The following KIAA1549L variants were observed in gnomAD, a reference collection of about 807,000 sequenced individuals.
The protein encoded by KIAA1549L is KIAA1549 like.
In KIAA1549L, 88 loss-of-function variants were observed where a neutral mutation model predicts 160.7. The ratio of observed to expected loss-of-function variants is 0.55; its 90% CI spans 0.46 to 0.65. The LOEUF (loss-of-function observed/expected upper bound fraction) is 0.65, where lower values mean the gene tolerates loss of function less well. KIAA1549L is among the 30% of genes least tolerant of loss of function. The pLI is 0.00. For synonymous variants in KIAA1549L, 950 were observed against 976.7 expected, an observed-to-expected ratio of 0.97 and a Z score of 0.51; for missense variants, 2,258 against 2,437.5, an observed-to-expected ratio of 0.93 and a Z score of 1.55.
intron 1 of KIAA1549L, among the ~76,000 whole-genome samples, chr11:33,499,123 C>T (rs1271680093): frequency 2.0e-5 from 3 of 152,036 alleles, no homozygotes; most frequent in African/African-American, 7.2e-5. Flanking sequence ...TAGAAAAGGT[C>T]CTCCTTCCTC....
intron 8 of KIAA1549L, among the ~76,000 whole-genome samples, chr11:33,562,188 G>A (rs1234822718): frequency 2.0e-5 from 3 of 152,150 alleles, no homozygotes; most frequent in Admixed American, 1.3e-4. Context: ...GAGAGTGTTT[G>A]GAAATAGAAA....
In KIAA1549L at chr11:33,543,593, A is replaced by T; in HGVS notation, c.2030A>T (p.Asp677Val). The T allele has an allele frequency of 6.2e-7, 1 of 1,613,978 alleles. No individual in the cohort carries two copies. The highest frequency in any genetic ancestry group is 8.5e-7 in the Non-Finnish European group (1 of 1,179,870). ...GTGAGAGCATCGCCCTCCTCCATGGATGTATATGATTCCTTAACAATAGGA... is the reference window on the plus strand; with the variant it reads ...GTGAGAGCATCGCCCTCCTCCATGGTTGTATATGATTCCTTAACAATAGGA... The part of the protein sequence containing the change: ...KQVRASPSSM[D>V]VYDSLTIGDM... Residue 677 changes from aspartate to valine, a missense_variant, in exon 2 of 21, where the codon GAT (aspartate) becomes GTT (valine). By Grantham distance (152) the Asp-to-Val change is radical (BLOSUM62 -3). Around this residue, in one of 6 missense-constraint regions of KIAA1549L, gnomAD observed 287 missense variants for 292.3 expected, o/e 0.98. Coordinates refer to ENST00000658780, the MANE Select transcript of KIAA1549L (RefSeq NM_012194.3).
chr11:33,418,522 C>T (rs1235329409), intron 1 of KIAA1549L, among the ~76,000 whole-genome samples: 4 of 152,226 alleles, frequency 2.6e-5, no homozygotes, highest in African/African-American at 9.6e-5. Context: ...CTGGTCACCA[C>T]TGAGTCTGAA....
At chr11:33,576,901 G>A (rs1314598245) in intron 10 of KIAA1549L, among the ~76,000 whole-genome samples, 2 of 152,190 alleles carry the variant, frequency 1.3e-5, no homozygotes, top group East Asian at 1.9e-4. Flanking sequence ...AGACATCCAC[G>A]TGGATCTCAG....
intron 9 of KIAA1549L, among the ~76,000 whole-genome samples, chr11:33,570,290 C>T (rs1051338972): frequency 5.9e-5 from 9 of 152,190 alleles, no homozygotes; most frequent in Non-Finnish European, 1.3e-4. Flanking sequence ...GTGTGAGCCA[C>T]CACGTCCAGC....
At position 33,408,495 on chromosome 11, in the gene KIAA1549L, A is replaced by G. The variant is rs1217504127; in HGVS notation, c.238+31606A>G. On this transcript the variant is annotated intron_variant, in intron 1 of 20. Coordinates refer to ENST00000658780, the MANE Select transcript of KIAA1549L (RefSeq NM_012194.3). Reference sequence around the variant, plus strand: ...ATACATACTCTGTATATGTGTATATATATATATATATATATACACATGTAT... The same window carrying G: ...ATACATACTCTGTATATGTGTATATGTATATATATATATATACACATGTAT... Among the ~76,000 whole-genome samples the G allele has an allele frequency of 2.0e-5, 3 of 147,978 alleles. 1 individual carries two copies. Among genetic ancestry groups the G allele is most frequent in the African/African-American group, 5.1e-5 (2 of 39,378 alleles).
At chr11:33,412,077 G>A (rs2615945) in intron 1 of KIAA1549L, among the ~76,000 whole-genome samples, 52,646 of 152,064 alleles carry the variant, frequency 0.35, 9,528 homozygotes, top group Non-Finnish European at 0.4. Flanking sequence ...GTTTTGTGGT[G>A]CTTCTAGTTA....
At position 33,544,751 on chromosome 11, in the gene KIAA1549L, T is replaced by C; in HGVS notation, c.2774-16T>C. 1 of 1,560,774 alleles carries C rather than the reference T, an allele frequency of 6.4e-7. No homozygotes were observed. Among genetic ancestry groups the C allele is most frequent in the Non-Finnish European group, 8.7e-7 (1 of 1,152,912 alleles). On this transcript the variant is annotated splice_polypyrimidine_tract_variant and intron_variant, in intron 2 of 20. Transcript: ENST00000658780. ...TTCCAAGCCAATGACAAACTTTGTT[T>C]TTTCTCTCTTTACAGCGGACACAGT...
intron 1 of KIAA1549L, among the ~76,000 whole-genome samples, chr11:33,501,989 T>C (rs929171043): frequency 6.6e-6 from 1 of 151,986 alleles, no homozygotes; most frequent in African/African-American, 2.4e-5. Context: ...AGGAAGATGA[T>C]ATGGGAGGAA....
At chr11:33,513,066 G>A (rs1853262948) in intron 1 of KIAA1549L, among the ~76,000 whole-genome samples, 1 of 152,184 alleles carries the variant, frequency 6.6e-6, no homozygotes, top group African/African-American at 2.4e-5. Context: ...TACAGGGACA[G>A]AGAACATCAG....
chr11:33,462,300 G>A (rs904885813), intron 1 of KIAA1549L, among the ~76,000 whole-genome samples: 1 of 152,132 alleles, frequency 6.6e-6, no homozygotes, highest in Admixed American at 6.5e-5. Context: ...TTACATTCAT[G>A]GACTACATGA....
At chr11:33,430,049 C>CCTT (rs1565132987) in intron 1 of KIAA1549L, among the ~76,000 whole-genome samples, 7 of 69,308 alleles carry the variant, frequency 1.0e-4, no homozygotes, top group African/African-American at 2.7e-4. Flanking sequence ...CTTCCTTCCT[C>CCTT]CCTTCCCTCT....
At chr11:33,632,075 C>T (rs1246709854) in intron 16 of KIAA1549L, among the ~76,000 whole-genome samples, 1 of 152,168 alleles carries the variant, frequency 6.6e-6, no homozygotes, top group Non-Finnish European at 1.5e-5. Flanking sequence ...GGTGGTTATC[C>T]ACTAAAATCC....
At chr11:33,580,553 C>T (rs1590364091) in intron 10 of KIAA1549L, among the ~76,000 whole-genome samples, 1 of 111,782 alleles carries the variant, frequency 8.9e-6, no homozygotes, top group Admixed American at 1.3e-4. Flanking sequence ...GGCTGGGGGA[C>T]ACAGTGAGAT....
At chr11:33,640,229 A>G (rs937232748) in intron 16 of KIAA1549L, among the ~76,000 whole-genome samples, 1 of 152,190 alleles carries the variant, frequency 6.6e-6, no homozygotes, top group African/African-American at 2.4e-5. Flanking sequence ...CTGAGAGAGT[A>G]TCTAAGTCAA....
rs1853732036 is a variant in KIAA1549L, at chr11:33,530,433, AAAAATATATATATATATAT to A, written c.239-11367_239-11349del. Among the ~76,000 whole-genome samples the A allele has an allele frequency of 1.1e-3, 11 of 9,728 alleles. 1 individual carries two copies. Among genetic ancestry groups the A allele is most frequent in the Admixed American group, 6.1e-3 (5 of 814 alleles). 6.4% of individuals were successfully genotyped at this position (9,728 alleles called of 152,430 possible). On this transcript the variant is annotated intron_variant, in intron 1 of 20. Coordinates refer to ENST00000658780, the MANE Select transcript of KIAA1549L (RefSeq NM_012194.3). Reference sequence around the variant, plus strand: ...AAGAAGGAAAAAAAAAAAAAAAAAAAAAAATATATATATATATATATATATATATATATATATATATATA... The same window carrying A: ...AAGAAGGAAAAAAAAAAAAAAAAAAAATATATATATATATATATATATATA...
chr11:33,649,860 CAAA>C (rs1197298537), intron 17 of KIAA1549L, among the ~76,000 whole-genome samples: 3 of 95,144 alleles, frequency 3.2e-5, no homozygotes, highest in Non-Finnish European at 6.7e-5. Flanking sequence ...AATCCCATCT[CAAA>C]AAAAAAAAAA....
At chr11:33,562,122 G>T (rs924241745) in intron 8 of KIAA1549L, among the ~76,000 whole-genome samples, 5 of 152,338 alleles carry the variant, frequency 3.3e-5, no homozygotes, top group Admixed American at 3.3e-4. Context: ...GCATGCACTT[G>T]CGTCTCTCCT....
chr11:33,610,818 T>C (rs1455170675), intron 15 of KIAA1549L, among the ~76,000 whole-genome samples: 1 of 152,232 alleles, frequency 6.6e-6, no homozygotes, highest in Non-Finnish European at 1.5e-5. Flanking sequence ...AAACATATTT[T>C]CTCACAGTTC....
Sources: allele counts gnomAD v4.1 joint callset (sites outside exome capture counted in the v4.1 genomes callset), GRCh38; gene constraint gnomAD v4.1.1; regional missense constraint gnomAD v4.1.1; transcripts MANE v1.5; gene names NCBI Gene and HGNC (gene_info 2026-07-23, HGNC 2026-07-21).